Variants in FOXP2 observed in about 807,000 individuals in gnomAD.
FOXP2 encodes forkhead box P2.
In FOXP2, 12 loss-of-function variants were observed where a neutral mutation model predicts 115.8. That is an observed-to-expected ratio of 0.10 (90% CI 0.07 to 0.17). The LOEUF (loss-of-function observed/expected upper bound fraction) is 0.17, where lower values mean the gene tolerates loss of function less well. FOXP2 is among the 10% of genes least tolerant of loss of function. The pLI, the probability that FOXP2 is intolerant of heterozygous loss-of-function variation, is 1.00. For missense variants in FOXP2, 629 were observed against 843.5 expected, an observed-to-expected ratio of 0.75 and a Z score of 3.15; for synonymous variants, 328 against 297.7, an observed-to-expected ratio of 1.10 and a Z score of -1.05.
intron 1 of FOXP2, among the ~76,000 whole-genome samples, chr7:114,166,645 C>T: frequency 6.6e-6 from 1 of 152,076 alleles, no homozygotes; most frequent in East Asian, 1.9e-4. Context: ...GCAGAGGTTG[C>T]AATGAACCAA....
intron 1 of FOXP2, among the ~76,000 whole-genome samples, chr7:114,175,325 T>G (rs1361633629): frequency 6.6e-6 from 1 of 152,120 alleles, no homozygotes; most frequent in Non-Finnish European, 1.5e-5. Flanking sequence ...GAGTAATTCT[T>G]TTTTAGTGGA....
At chr7:114,167,977 C>T (rs914107674) in intron 1 of FOXP2, among the ~76,000 whole-genome samples, 1 of 151,112 alleles carries the variant, frequency 6.6e-6, no homozygotes, top group Non-Finnish European at 1.5e-5. Flanking sequence ...CCTGCACAAG[C>T]TCTCTCTTTG....
chr7:114,453,791 G>A (rs1221105081), intron 2 of FOXP2, among the ~76,000 whole-genome samples: 1 of 152,002 alleles, frequency 6.6e-6, no homozygotes. Flanking sequence ...TTAATAAATG[G>A]TGCTGGGAAA....
At chr7:114,508,544 A>G (rs1224682194) in intron 2 of FOXP2, among the ~76,000 whole-genome samples, 1 of 152,062 alleles carries the variant, frequency 6.6e-6, no homozygotes, top group African/African-American at 2.4e-5. Context: ...ATAGAACCCA[A>G]GAAATCTCCT....
At chr7:114,172,997 A>G (rs952332035) in intron 1 of FOXP2, among the ~76,000 whole-genome samples, 1 of 152,034 alleles carries the variant, frequency 6.6e-6, no homozygotes, top group Non-Finnish European at 1.5e-5. Flanking sequence ...CAGTTTATTT[A>G]TCTATCATAA....
At chr7:114,560,611 G>A (rs1190493868) in intron 3 of FOXP2, among the ~76,000 whole-genome samples, 2 of 151,922 alleles carry the variant, frequency 1.3e-5, no homozygotes, top group Admixed American at 6.6e-5. Context: ...GCAAGACCCT[G>A]TTCCCCCGCC....
intron 2 of FOXP2, among the ~76,000 whole-genome samples, chr7:114,402,076 C>T (rs1247095885): frequency 1.3e-5 from 2 of 152,114 alleles, no homozygotes; most frequent in Non-Finnish European, 2.9e-5. Context: ...GAGCTGAGAT[C>T]GTGCCACTGC....
In FOXP2 at chr7:114,692,294, C is replaced by G; in HGVS notation, c.*2368C>G. The G allele has an allele frequency of 2.2e-6, 1 of 453,974 alleles. No homozygotes were observed. The highest frequency in any genetic ancestry group is 1.6e-5 in the South Asian group (1 of 64,470). 28.1% of individuals were successfully genotyped at this position (453,974 alleles called of 1,614,324 possible). A position where few individuals can be genotyped will look rare whatever the true frequency, so the allele number is the denominator to read the frequency against. On this transcript the variant is annotated 3_prime_UTR_variant, in exon 17 of 17. Coordinates refer to ENST00000350908, the MANE Select transcript of FOXP2 (RefSeq NM_014491.4). ...TTAGAAAACTTTTGAAAGGAAGTCT[C>G]AGCCACAGAATGCATATACCTGTAG...
At chr7:114,665,734 A>C (rs1429347420) in intron 16 of FOXP2, 1 of 152,130 alleles carries the variant, frequency 6.6e-6, no homozygotes. Flanking sequence ...AGAAGTAATA[A>C]AACTCAAAGT....
At chr7:114,220,441 A>T (rs974151869) in intron 1 of FOXP2, among the ~76,000 whole-genome samples, 1 of 152,182 alleles carries the variant, frequency 6.6e-6, no homozygotes, top group Non-Finnish European at 1.5e-5. Flanking sequence ...TTTACATTAG[A>T]AATACTGTTT....
intron 8 of FOXP2, among the ~76,000 whole-genome samples, chr7:114,647,959 G>A (rs931753807): frequency 2.0e-5 from 3 of 152,000 alleles, no homozygotes; most frequent in South Asian, 2.1e-4. Context: ...GATGGCTAGT[G>A]TCTATAAAGA....
chr7:114,254,186 T>A lies in FOXP2; in HGVS notation c.-101-33833T>A, dbSNP rs534406994. 7.9e-5 allele frequency among the ~76,000 whole-genome samples: 12 copies of A among 152,332 alleles called. No individual in the cohort carries two copies. In the East Asian group the frequency reaches 1.5e-3, roughly 20 times the overall value. ...CTGCTGTTAGTCTGATGGGCTTCCC[T>A]TTGTGGGTAACCCGACCTTTCTCTC... On this transcript the variant is annotated intron_variant, in intron 1 of 17. Transcript: ENST00000634411.
At chr7:114,544,639 T>G (rs930952003) in intron 3 of FOXP2, among the ~76,000 whole-genome samples, 19 of 152,342 alleles carry the variant, frequency 1.2e-4, no homozygotes, top group Non-Finnish European at 2.8e-4. Flanking sequence ...AACATTATGA[T>G]GTGCTGACAT....
At chr7:114,354,535 T>A (rs1159144417) in intron 2 of FOXP2, among the ~76,000 whole-genome samples, 1 of 152,124 alleles carries the variant, frequency 6.6e-6, no homozygotes, top group Non-Finnish European at 1.5e-5. Context: ...GAAGAGGTAC[T>A]TTCTCTCCTC....
chr7:114,624,910 A>G (rs945150161), intron 3 of FOXP2, among the ~76,000 whole-genome samples: 5 of 151,412 alleles, frequency 3.3e-5, no homozygotes, highest in African/African-American at 9.7e-5. Context: ...CTATTCTAGG[A>G]TAATACCTAA....
intron 1 of FOXP2, among the ~76,000 whole-genome samples, chr7:114,092,249 G>A (rs1799557162): frequency 6.6e-6 from 1 of 151,956 alleles, no homozygotes; most frequent in South Asian, 2.1e-4. Flanking sequence ...TAAGTTTTTA[G>A]TGTTTCCTCT....
At chr7:114,546,943 G>A (rs1164081230) in intron 3 of FOXP2, among the ~76,000 whole-genome samples, 1 of 152,188 alleles carries the variant, frequency 6.6e-6, no homozygotes, top group East Asian at 1.9e-4. Context: ...TTTGTAAACT[G>A]TATTGCTCCT....
intron 2 of FOXP2, among the ~76,000 whole-genome samples, chr7:114,322,668 G>GT (rs1467561514): frequency 3.3e-5 from 5 of 152,072 alleles, no homozygotes; most frequent in Non-Finnish European, 7.4e-5. Flanking sequence ...GGTGAAGCAT[G>GT]TATTTGAAAC....
intron 2 of FOXP2, among the ~76,000 whole-genome samples, chr7:114,442,174 A>G (rs1413360826): frequency 1.3e-5 from 2 of 152,210 alleles, no homozygotes; most frequent in Non-Finnish European, 2.9e-5. Context: ...GCACTGATAT[A>G]TGCCACAATA....
Sources: allele counts gnomAD v4.1 joint callset (sites outside exome capture counted in the v4.1 genomes callset), GRCh38; gene constraint gnomAD v4.1.1; transcripts MANE v1.5; gene names NCBI Gene and HGNC (gene_info 2026-07-23, HGNC 2026-07-21).